The following AGMO variants were observed in gnomAD, a reference collection of about 807,000 sequenced individuals.
AGMO encodes the protein glyceryl-ether monooxygenase.
In AGMO, 75 loss-of-function variants were observed where a neutral mutation model predicts 60.2. The ratio of observed to expected loss-of-function variants is 1.25; its 90% CI spans 1.03 to 1.51. The LOEUF (loss-of-function observed/expected upper bound fraction) is 1.51. Ranked by LOEUF, AGMO falls within the 40% of genes most tolerant of loss-of-function variation. The pLI is 0.00. For synonymous variants in AGMO, 261 were observed against 177.1 expected (o/e 1.47, Z -3.76); for missense variants, 763 against 525.5 (o/e 1.45, Z -4.42).
chr7:15,320,471 G>T (rs998228764), intron 12 of AGMO, among the ~76,000 whole-genome samples: 1 of 151,982 alleles, frequency 6.6e-6, no homozygotes, highest in South Asian at 2.1e-4. Flanking sequence ...AATTGATTAT[G>T]ATTAACTTTA....
At chr7:15,306,373 G>C (rs895255515) in intron 12 of AGMO, 2 of 334,338 alleles carry the variant, frequency 6.0e-6, no homozygotes, top group African/African-American at 2.3e-5. Context: ...AGACCCCTTG[G>C]GGCTTACAAA....
chr7:15,193,245 T>TCTG, the AGMO span, among the ~76,000 whole-genome samples: 2 of 151,372 alleles, frequency 1.3e-5, no homozygotes, highest in African/African-American at 2.4e-5. Context: ...TGTATGATAT[T>TCTG]TTCTAATTTT....
At chr7:15,315,208 A>G (rs1780882125) in intron 12 of AGMO, among the ~76,000 whole-genome samples, 1 of 152,104 alleles carries the variant, frequency 6.6e-6, no homozygotes. Flanking sequence ...GTGTTATTGC[A>G]AGGTACTAAG....
intron 12 of AGMO, among the ~76,000 whole-genome samples, chr7:15,311,674 T>C (rs1421572578): frequency 6.6e-6 from 1 of 152,128 alleles, no homozygotes; most frequent in Non-Finnish European, 1.5e-5. Context: ...GCTATATAAA[T>C]TTTTAAAAAT....
At chr7:15,318,454 T>C (rs955412728) in intron 12 of AGMO, among the ~76,000 whole-genome samples, 2 of 152,162 alleles carry the variant, frequency 1.3e-5, no homozygotes, top group African/African-American at 4.8e-5. Flanking sequence ...ATGGATCAGT[T>C]TAAAGATAAA....
At chr7:15,437,481 T>C (rs982392517) in intron 3 of AGMO, among the ~76,000 whole-genome samples, 5 of 152,010 alleles carry the variant, frequency 3.3e-5, no homozygotes, top group Non-Finnish European at 5.9e-5. Context: ...TATATCCATA[T>C]GTTCAGCATG....
chr7:15,347,801 A>C (rs1293466350), intron 12 of AGMO, among the ~76,000 whole-genome samples: 1 of 152,070 alleles, frequency 6.6e-6, no homozygotes, highest in African/African-American at 2.4e-5. Context: ...GACTCCTGAG[A>C]GTTTCAGTCT....
chr7:15,270,215 T>C (rs1309650832), intron 12 of AGMO, among the ~76,000 whole-genome samples: 2 of 151,848 alleles, frequency 1.3e-5, no homozygotes, highest in Non-Finnish European at 2.9e-5. Context: ...TTGTACTAAT[T>C]TACATTCCCA....
chr7:15,170,572 A>T, the AGMO span, among the ~76,000 whole-genome samples: 23 of 152,226 alleles, frequency 1.5e-4, no homozygotes, highest in South Asian at 4.8e-3. Flanking sequence ...TATTTTTAAA[A>T]TTTTAATTAG....
intron 12 of AGMO, among the ~76,000 whole-genome samples, chr7:15,361,231 T>C (rs1355671954): frequency 1.3e-5 from 2 of 151,726 alleles, no homozygotes; most frequent in African/African-American, 4.8e-5. Context: ...TCTCAAATAT[T>C]TCCTCTCAGT....
intron 12 of AGMO, among the ~76,000 whole-genome samples, chr7:15,336,236 A>G (rs1367043004): frequency 1.3e-5 from 2 of 152,102 alleles, no homozygotes; most frequent in African/African-American, 4.8e-5. Flanking sequence ...AGAAATTCAT[A>G]ACATTCACCA....
At chr7:15,497,071 T>A (rs1992023) in intron 3 of AGMO, among the ~76,000 whole-genome samples, 84,328 of 151,992 alleles carry the variant, frequency 0.55, 25,740 homozygotes, top group East Asian at 0.96. Flanking sequence ...AAGAAGAAGA[T>A]ATGAGCTGGA....
intron 3 of AGMO, among the ~76,000 whole-genome samples, chr7:15,529,584 T>C (rs1348446615): frequency 2.0e-5 from 2 of 102,122 alleles, no homozygotes; most frequent in Non-Finnish European, 3.8e-5. Flanking sequence ...AGAGTATATA[T>C]AGTATATAAA....
intron 3 of AGMO, among the ~76,000 whole-genome samples, chr7:15,506,548 TGTTTTGAAACTCAATTCA>T (rs1288646230): frequency 6.6e-6 from 1 of 152,102 alleles, no homozygotes; most frequent in Non-Finnish European, 1.5e-5. Context: ...TGACTGTTTT[TGTTTTGAAACTCAATTCA>T]GTATTTTCTT....
intron 3 of AGMO, among the ~76,000 whole-genome samples, chr7:15,535,848 A>G (rs545004448): frequency 3.4e-4 from 51 of 151,916 alleles, no homozygotes; most frequent in Non-Finnish European, 7.2e-4. Context: ...ATTATTAACT[A>G]TAAGCTCCCA....
chr7:15,237,740 C>T (rs1782469731), intron 12 of AGMO, among the ~76,000 whole-genome samples: 1 of 152,060 alleles, frequency 6.6e-6, no homozygotes, highest in South Asian at 2.1e-4. Context: ...TCTTAACGTT[C>T]ACCTCAGCTT....
intron 12 of AGMO, among the ~76,000 whole-genome samples, chr7:15,290,353 T>C (rs989523880): frequency 4.6e-5 from 7 of 152,262 alleles, no homozygotes; most frequent in African/African-American, 1.7e-4. Context: ...ACTTTTCTCA[T>C]AGATGATTAG....
At chr7:15,377,219 G>A (rs2128569437) in intron 10 of AGMO, among the ~76,000 whole-genome samples, 1 of 152,186 alleles carries the variant, frequency 6.6e-6, no homozygotes, top group South Asian at 2.1e-4. Flanking sequence ...TAGTCACACA[G>A]CATGTTCTCA....
Position 15,374,409 on chromosome 7 carries a change from T to C in AGMO, c.1075-8187A>G, listed in dbSNP as rs567149151. 1.0e-3 allele frequency among the ~76,000 whole-genome samples: 152 copies of C among 152,222 alleles called. 2 individuals are homozygous for C. In the Middle Eastern group the frequency reaches 0.017, roughly 17 times the overall value. ...TTAACATATAGTTCAAAACATTGAA[T>C]TGACATGGAGTTCATCAGTTTCTAC... is the stretch of plus-strand genomic sequence containing the variant. On this transcript the variant is annotated intron_variant, in intron 10 of 12. Coordinates refer to ENST00000342526, the MANE Select transcript of AGMO (RefSeq NM_001004320.2).
Sources: allele counts gnomAD v4.1 joint callset (sites outside exome capture counted in the v4.1 genomes callset), GRCh38; gene constraint gnomAD v4.1.1; transcripts MANE v1.5; gene names NCBI Gene and HGNC (gene_info 2026-07-23, HGNC 2026-07-21).